Variants in NUDT12 observed in about 807,000 individuals in gnomAD.
The protein encoded by NUDT12 is NAD-capped RNA hydrolase NUDT12.
In NUDT12, 42 loss-of-function variants were observed where a neutral mutation model predicts 45.7. The ratio of observed to expected loss-of-function variants is 0.92; its 90% CI spans 0.72 to 1.19. The LOEUF (loss-of-function observed/expected upper bound fraction) is 1.19. Among genes scored for constraint, NUDT12 ranks in the 50% most tolerant of loss-of-function variants. NUDT12 has a pLI of 0.00. For synonymous variants in NUDT12, 206 were observed against 179.7 expected, an observed-to-expected ratio of 1.15 and a Z score of -1.17; for missense variants, 590 against 533.1, an observed-to-expected ratio of 1.11 and a Z score of -1.05.
chr5:103,559,034 C>G lies in NUDT12; in HGVS notation c.641G>C (p.Gly214Ala), dbSNP rs1457297400. The change falls in exon 3 of 7, where the codon GGT becomes GCT. Residue 214 changes from glycine to alanine, a missense_variant. Physicochemically the swap from Gly to Ala is moderately conservative, Grantham distance 60 (BLOSUM62 0). Coordinates refer to ENST00000230792, the MANE Select transcript of NUDT12 (RefSeq NM_031438.4). The part of the protein sequence containing the change: ...EIKDKLLNYA[G>A]EVPREEEDGL... ...ATCTTCCTCCTCTCTCGGGACTTCA[C>G]CAGCATAATTAAGTAGTTTGTCTTT... is the stretch of plus-strand genomic sequence containing the variant. 30 of 1,613,710 alleles carry G rather than the reference C, an allele frequency of 1.9e-5. No homozygotes were observed. The highest frequency in any genetic ancestry group is 2.5e-5 in the Non-Finnish European group (30 of 1,179,806).
rs745603070 is a variant in NUDT12 at position 103,558,974 on chromosome 5, G to A, written c.701C>T (p.Pro234Leu). 2 of 1,613,112 alleles carry A rather than the reference G, an allele frequency of 1.2e-6. No homozygotes were observed. Among genetic ancestry groups the A allele is most frequent in the Non-Finnish European group, 1.7e-6 (2 of 1,179,440 alleles). The change falls in exon 3 of 7, where the codon CCT becomes CTT. Residue 234 changes from proline to leucine, a missense_variant. Pro to Leu is a moderately conservative substitution (Grantham distance 98). Transcript: ENST00000230792. The stretch of plus-strand genomic sequence containing the variant: ...TTGCTTGAATTCTTCAGCAGCAATA[G>A]GATCTATACCTAGAGCAAACCAGGC... The part of the protein sequence containing the change: ...LVAWFALGID[P>L]IAAEEFKQRH...
chr5:103,555,854 T>G, intron 4 of NUDT12, 77 bp downstream of exon 4: 1 of 1,065,320 alleles, frequency 9.4e-7, no homozygotes, highest in South Asian at 2.7e-5. Flanking sequence ...ACTCTTTAGC[T>G]CCTCACAAAT....
chr5:103,552,949 ACT>A (rs1222347247), intron 5 of NUDT12, among the ~76,000 whole-genome samples: 1 of 152,140 alleles, frequency 6.6e-6, no homozygotes, highest in African/African-American at 2.4e-5. Flanking sequence ...ATGACTGCTG[ACT>A]CTGCTATGGT....
At chr5:103,553,974 A>C (rs984610426) in intron 5 of NUDT12, among the ~76,000 whole-genome samples, 4 of 152,014 alleles carry the variant, frequency 2.6e-5, no homozygotes, top group Non-Finnish European at 5.9e-5. Context: ...AGGTTGTATA[A>C]GGATCATACA....
rs1436294436 is a variant in NUDT12, at chr5:103,560,022, G to C, written c.206+21C>G. 3 of 1,543,004 alleles carry C rather than the reference G, an allele frequency of 1.9e-6. No homozygotes were observed. In the African/African-American group the frequency reaches 4.1e-5, roughly 21 times the overall value. ...AATTAAACCACAAACCCTTTCAGGTGGTACAGCCTAAAATGTTTACCCTTT... is the reference window on the plus strand; with the variant it reads ...AATTAAACCACAAACCCTTTCAGGTCGTACAGCCTAAAATGTTTACCCTTT... On this transcript the variant is annotated intron_variant, in intron 2 of 6. Coordinates refer to ENST00000230792, the MANE Select transcript of NUDT12 (RefSeq NM_031438.4).
At position 103,550,892 on chromosome 5, in the gene NUDT12, T is replaced by C. The variant is rs1173316484; in HGVS notation, c.1358A>G (p.Lys453Arg). The C allele has an allele frequency of 6.2e-7, 1 of 1,613,190 alleles. No homozygotes were observed. Among genetic ancestry groups the C allele is most frequent in the East Asian group, 2.2e-5 (1 of 44,874 alleles). Reference protein sequence around the residue: ...PSRAIAHQLIKHWIRINPNL With the variant: ...PSRAIAHQLIRHWIRINPNL ...ATTAGGATTTATTCTAATCCAGTGT[T>C]TGATTAATTGATGTGCAATAGCTCG... The change falls in exon 7 of 7, where the codon AAA (lysine) becomes AGA (arginine). Residue 453 changes from lysine to arginine, a missense_variant. By Grantham distance (26) the Lys-to-Arg change is conservative. Coordinates refer to ENST00000230792, the MANE Select transcript of NUDT12 (RefSeq NM_031438.4).
At position 103,560,177 on chromosome 5, in the gene NUDT12, A is replaced by G. The variant is rs139798786; in HGVS notation, c.72T>C (p.Asp24=). The G allele has an allele frequency of 1.9e-6, 3 of 1,613,730 alleles. No individual in the cohort carries two copies. Among genetic ancestry groups the G allele is most frequent in the African/African-American group, 2.7e-5 (2 of 74,924 alleles). Reference sequence around the variant, plus strand: ...TGAGTATTCCTGTTAACTTGGCAATATCTCCTTCAGCAGCTGAACAGTGAA... The same window carrying G: ...TGAGTATTCCTGTTAACTTGGCAATGTCTCCTTCAGCAGCTGAACAGTGAA... ...TQFHCSAAEG[D]IAKLTGILSH... Residue 24 remains aspartate (D), a synonymous_variant, in exon 2 of 7, where the codon GAT becomes GAC. Coordinates refer to ENST00000230792, the MANE Select transcript of NUDT12 (RefSeq NM_031438.4).
rs1328197371 is a variant in NUDT12 at position 103,558,433 on chromosome 5, C to T, written c.796+446G>A. On this transcript the variant is annotated intron_variant, in intron 3 of 6. Transcript: ENST00000230792. ...CTTACTTACATGTGTACAATTTATG[C>T]TCTATGATGCAGCCAGTGTGCAGTG... 8.5e-5 allele frequency among the ~76,000 whole-genome samples: 13 copies of T among 152,244 alleles called. No individual in the cohort carries two copies. The South Asian group carries it at 2.7e-3, about 32-fold the overall frequency.
intron 1 of NUDT12, among the ~76,000 whole-genome samples, chr5:103,560,932 A>G (rs975772645): frequency 6.6e-6 from 1 of 152,064 alleles, no homozygotes; most frequent in Non-Finnish European, 1.5e-5. Flanking sequence ...TTTAAAACTC[A>G]TTAACTTTAT....
intron 5 of NUDT12, 52 bp from the exon 6 acceptor site, chr5:103,552,468 T>C (rs779111302): frequency 2.2e-6 from 3 of 1,377,918 alleles, no homozygotes; most frequent in South Asian, 1.2e-5. Context: ...CCCGGGACAC[T>C]TTGTGTCCTG....
intron 6 of NUDT12, 119 bp from the exon 7 acceptor site, chr5:103,551,090 G>GA: frequency 1.5e-6 from 1 of 681,382 alleles, no homozygotes; most frequent in Non-Finnish European, 2.4e-6. Context: ...AACAACAGTA[G>GA]AAAGTGACAA....
Position 103,550,631 on chromosome 5 carries a change from A to C in NUDT12, c.*230T>G. 2.9e-6 allele frequency: 1 copy of C among 340,340 alleles called. No individual in the cohort carries two copies. The highest frequency in any genetic ancestry group is 4.8e-5 in the East Asian group (1 of 20,646). The allele number at this position is 340,340 out of a possible 1,614,324, so 21.1% of individuals were successfully genotyped here. ...AGGAAGAAAAGAAACCAAGAGAGAA[A>C]AAGTTCAGAGAAGACTGACCCAAAT... On this transcript the variant is annotated 3_prime_UTR_variant, in exon 7 of 7. Transcript: ENST00000230792.
At chr5:103,559,901 C>A in intron 2 of NUDT12, 142 bp downstream of exon 2, 2 of 585,012 alleles carry the variant, frequency 3.4e-6, no homozygotes, top group South Asian at 2.7e-5. Flanking sequence ...AAAAATTGTG[C>A]TACATTTTTA....
intron 2 of NUDT12, 62 bp from the exon 3 acceptor site, chr5:103,559,530 A>G: frequency 1.2e-6 from 1 of 806,658 alleles, no homozygotes; most frequent in Non-Finnish European, 1.8e-6. Flanking sequence ...CTTTCTCCGT[A>G]TTTATTTCAC....
Position 103,559,312 on chromosome 5 carries a change from A to G in NUDT12, c.363T>C (p.Phe121=). The change falls in exon 3 of 7, where the codon TTT becomes TTC. Residue 121 remains phenylalanine, a synonymous_variant. Transcript: ENST00000230792. ...TNEVEECENY[F]SKTLLDRKSE... ...TTTTCCGGTCCAGTAGTGTTTTGCT[A>G]AAATAATTTTCACATTCTTCCACTT... 6.2e-7 allele frequency: 1 copy of G among 1,612,818 alleles called. No homozygotes were observed. The highest frequency in any genetic ancestry group is 1.7e-4 in the Middle Eastern group (1 of 6,054).
Position 103,555,925 on chromosome 5 carries a change from G to T in NUDT12, c.964+6C>A. The T allele has an allele frequency of 1.3e-6, 2 of 1,546,368 alleles. No homozygotes were observed. The highest frequency in any genetic ancestry group is 8.7e-7 in the Non-Finnish European group (1 of 1,146,870). On this transcript the variant is annotated splice_donor_region_variant and intron_variant, in intron 4 of 6. Coordinates refer to ENST00000230792, the MANE Select transcript of NUDT12 (RefSeq NM_031438.4). ...AGGTGGCTGAGATATAAAATAAAGG[G>T]CTTACCAACTCTTGGGTATGAGGTA... is the stretch of plus-strand genomic sequence containing the variant.
At chr5:103,559,845 AAAG>A in intron 2 of NUDT12, 195 bp downstream of exon 2, 1 of 560,626 alleles carries the variant, frequency 1.8e-6, no homozygotes, top group South Asian at 2.5e-5. Flanking sequence ...GCTTTGCTAT[AAAG>A]AAATAATTTC....
At chr5:103,554,680 T>C (rs918377825) in intron 5 of NUDT12, 60 bp downstream of exon 5, 2 of 552,498 alleles carry the variant, frequency 3.6e-6, no homozygotes, top group South Asian at 5.6e-5. Context: ...TCTCAAATGT[T>C]ACCTAAACTT....
In NUDT12 at chr5:103,555,912, TATAAA is replaced by T; in HGVS notation, c.964+14_964+18del. ...TTCCCCAAGATCCAGGTGGCTGAGA[TATAAA>T]ATAAAGGGCTTACCAACTCTTGGGT... On this transcript the variant is annotated intron_variant, in intron 4 of 6. Coordinates refer to ENST00000230792, the MANE Select transcript of NUDT12 (RefSeq NM_031438.4). 7 of 1,470,730 alleles carry T rather than the reference TATAAA, an allele frequency of 4.8e-6. No homozygotes were observed. The highest frequency in any genetic ancestry group is 1.4e-5 in the African/African-American group (1 of 70,246). 91.1% of individuals were successfully genotyped at this position (1,470,730 alleles called of 1,614,324 possible). A position where few individuals can be genotyped will look rare whatever the true frequency, so the allele number is the denominator to read the frequency against.
Sources: allele counts gnomAD v4.1 joint callset (sites outside exome capture counted in the v4.1 genomes callset), GRCh38; gene constraint gnomAD v4.1.1; transcripts MANE v1.5; gene names NCBI Gene and HGNC (gene_info 2026-07-23, HGNC 2026-07-21).